The following CDK15 variants were observed in gnomAD, a reference collection of about 807,000 sequenced individuals.
CDK15 encodes cyclin dependent kinase 15, also known as cyclin-dependent kinase 15.
A neutral mutation model predicts 60.3 loss-of-function variants in CDK15; 62 were observed. The ratio of observed to expected loss-of-function variants is 1.03; its 90% confidence interval spans 0.84 to 1.27. CDK15 has a LOEUF of 1.27. CDK15 is among the 50% of genes most tolerant of loss of function. The pLI is 0.00. For synonymous variants in CDK15, 194 were observed against 195.7 expected, an observed-to-expected ratio of 0.99 and a Z score of 0.07; for missense variants, 541 against 527.8, an observed-to-expected ratio of 1.03 and a Z score of -0.25.
intron 10 of CDK15, among the ~76,000 whole-genome samples, chr2:201,861,784 C>A (rs1038859135): frequency 3.3e-5 from 5 of 152,086 alleles, no homozygotes; most frequent in Non-Finnish European, 5.9e-5. Context: ...TGGTCTCGAA[C>A]TCCTGACCTC....
At chr2:201,862,526 A>G (rs1306766656) in intron 10 of CDK15, among the ~76,000 whole-genome samples, 1 of 152,236 alleles carries the variant, frequency 6.6e-6, no homozygotes, top group Non-Finnish European at 1.5e-5. Context: ...TGCTTTGCAA[A>G]GAAGAACATG....
intron 4 of CDK15, among the ~76,000 whole-genome samples, chr2:201,818,969 C>A (rs28649451): frequency 0.05 from 4,115 of 82,378 alleles, 160 homozygotes; most frequent in African/African-American, 0.19. Flanking sequence ...GCAAAAAAAA[C>A]AAAACAAAAC....
chr2:201,809,176 G>A (rs902640999), intron 3 of CDK15, among the ~76,000 whole-genome samples: 19 of 152,144 alleles, frequency 1.2e-4, no homozygotes, highest in African/African-American at 4.6e-4. Flanking sequence ...CATGGTAACT[G>A]TTTTCAAGGT....
intron 9 of CDK15, among the ~76,000 whole-genome samples, chr2:201,850,337 G>A (rs1697853653): frequency 6.6e-6 from 1 of 152,056 alleles, no homozygotes; most frequent in Non-Finnish European, 1.5e-5. Flanking sequence ...AATTTAAAAA[G>A]CAATCATTTT....
At chr2:201,847,736 C>T (rs1392475311) in intron 9 of CDK15, among the ~76,000 whole-genome samples, 2 of 152,202 alleles carry the variant, frequency 1.3e-5, no homozygotes, top group Non-Finnish European at 2.9e-5. Context: ...TTAGTATTGT[C>T]TTAACCTCCC....
Position 201,822,824 on chromosome 2 carries a change from G to A in CDK15, c.464G>A (p.Gly155Asp). The A allele has an allele frequency of 6.2e-7, 1 of 1,609,750 alleles. No individual in the cohort carries two copies. The highest frequency in any genetic ancestry group is 1.7e-4 in the Middle Eastern group (1 of 6,050). The change falls in exon 5 of 14, where the codon GGT (glycine) becomes GAT (aspartate). Residue 155 changes from glycine to aspartate, a missense_variant. Gly to Asp is a moderately conservative substitution (Grantham distance 94). Transcript: ENST00000652192. Reference protein sequence around the residue: ...TAIREASLLKGLKHANIVLLH... With the variant: ...TAIREASLLKDLKHANIVLLH... ...ATTTTTCTAGCTTCTCTCCTGAAGG[G>A]TTTGAAACATGCCAATATTGTGCTC...
At chr2:201,865,131 A>G (rs1698567768) in intron 10 of CDK15, among the ~76,000 whole-genome samples, 1 of 152,204 alleles carries the variant, frequency 6.6e-6, no homozygotes, top group Non-Finnish European at 1.5e-5. Context: ...GCTGGGTTCC[A>G]TGCCTGTGTA....
At chr2:201,864,885 C>T (rs1304635191) in intron 10 of CDK15, among the ~76,000 whole-genome samples, 2 of 152,200 alleles carry the variant, frequency 1.3e-5, no homozygotes, top group Non-Finnish European at 2.9e-5. Context: ...ATACAGAAGT[C>T]ACATGCTTAA....
chr2:201,811,251 C>T (rs1281360595), intron 3 of CDK15, among the ~76,000 whole-genome samples: 4 of 151,684 alleles, frequency 2.6e-5, no homozygotes, highest in Non-Finnish European at 4.4e-5. Flanking sequence ...CCCAGGTTCA[C>T]GCCATTCTCC....
At chr2:201,880,903 A>G (rs1699251274) in intron 12 of CDK15, among the ~76,000 whole-genome samples, 1 of 152,124 alleles carries the variant, frequency 6.6e-6, no homozygotes, top group South Asian at 2.1e-4. Context: ...TCAACTAAAA[A>G]TAGTTTTAGG....
intron 10 of CDK15, among the ~76,000 whole-genome samples, chr2:201,865,123 T>G (rs866475444): frequency 1.3e-5 from 2 of 152,206 alleles, no homozygotes; most frequent in African/African-American, 4.8e-5. Flanking sequence ...GGAAGAGGGC[T>G]GGGTTCCATG....
chr2:201,807,581 A>G lies in CDK15; in HGVS notation c.211A>G (p.Lys71Glu). The change falls in exon 2 of 14, where the codon AAA (lysine) becomes GAA (glutamate). Residue 71 changes from lysine to glutamate, a missense_variant. Transcript: ENST00000652192. ...QAARAQKFKS[K>E]RPRSNSDCFQ... The stretch of plus-strand genomic sequence containing the variant: ...TGCCCGTGCCCAGAAGTTCAAGAGT[A>G]AAAGGCCACGGAGTAACAGTGATTG... 6.2e-7 allele frequency: 1 copy of G among 1,614,192 alleles called. No homozygotes were observed. The highest frequency in any genetic ancestry group is 8.5e-7 in the Non-Finnish European group (1 of 1,180,006).
In CDK15 at chr2:201,869,399, G is replaced by T. The variant is rs548405119; in HGVS notation, c.1010-2879G>T. Reference sequence around the variant, plus strand: ...TGTCATGGGGTGGGGGGCAGGGGGAGGGATAGCATTAGGAGAAATAGCTAA... The same window carrying T: ...TGTCATGGGGTGGGGGGCAGGGGGATGGATAGCATTAGGAGAAATAGCTAA... On this transcript the variant is annotated intron_variant, in intron 10 of 13. Coordinates refer to ENST00000652192, the MANE Select transcript of CDK15 (RefSeq NM_001366386.2). 1.6e-4 allele frequency among the ~76,000 whole-genome samples: 24 copies of T among 152,046 alleles called. No individual in the cohort carries two copies. The East Asian group carries it at 4.1e-3, about 26-fold the overall frequency.
chr2:201,830,719 C>T (rs1696717162), intron 6 of CDK15, among the ~76,000 whole-genome samples: 1 of 152,090 alleles, frequency 6.6e-6, no homozygotes, highest in Non-Finnish European at 1.5e-5. Flanking sequence ...CAGTGAATGA[C>T]CGCTAAAAGA....
chr2:201,859,934 C>T (rs1007565959), intron 10 of CDK15, among the ~76,000 whole-genome samples: 18 of 152,156 alleles, frequency 1.2e-4, no homozygotes, highest in African/African-American at 4.1e-4. Flanking sequence ...CTAAAGTAAA[C>T]GGAGGCCTTA....
chr2:201,818,258 T>C (rs1324880894), intron 4 of CDK15, among the ~76,000 whole-genome samples: 1 of 152,220 alleles, frequency 6.6e-6, no homozygotes, highest in Admixed American at 6.5e-5. Flanking sequence ...CTTCATTACA[T>C]AGAGCGACAT....
chr2:201,806,501 A>G (rs1264779864), upstream of CDK15: 10 of 703,632 alleles, frequency 1.4e-5, no homozygotes, highest in African/African-American at 3.6e-5. Flanking sequence ...TGCACTGATA[A>G]GGAAAAACTG....
At chr2:201,892,022 G>A (rs191241234) in intron 13 of CDK15, among the ~76,000 whole-genome samples, 14 of 152,230 alleles carry the variant, frequency 9.2e-5, no homozygotes, top group East Asian at 5.8e-4. Context: ...TGGCTGTCAC[G>A]ATTTAAAGGC....
At position 201,890,938 on chromosome 2, in the gene CDK15, G is replaced by A; in HGVS notation, c.*33+11G>A. 2 of 1,425,290 alleles carry A rather than the reference G, an allele frequency of 1.4e-6. No individual in the cohort carries two copies. Among genetic ancestry groups the A allele is most frequent in the Non-Finnish European group, 2.0e-6 (2 of 1,014,654 alleles). 88.3% of individuals were successfully genotyped at this position (1,425,290 alleles called of 1,614,324 possible). A position where few individuals can be genotyped will look rare whatever the true frequency, so the allele number is the denominator to read the frequency against. ...CCAAGGTTCTTCCAGGTAAGTGGTT[G>A]CAACAGTGAGGTTCCTTATGGAACA... On this transcript the variant is annotated intron_variant, in intron 13 of 13. Transcript: ENST00000652192.
Sources: gnomAD v4.1 joint callset for allele counts (sites outside exome capture counted in the v4.1 genomes callset) on GRCh38, gnomAD v4.1.1 for gene constraint, MANE v1.5 for transcripts, NCBI Gene and HGNC (gene_info 2026-07-23, HGNC 2026-07-21) for gene names.